The following CNTNAP3B variants were observed in gnomAD, a reference collection of about 807,000 sequenced individuals.
The protein encoded by CNTNAP3B is contactin associated protein family member 3B.
A neutral mutation model predicts 108.9 loss-of-function variants in CNTNAP3B; 25 were observed. The ratio of observed to expected loss-of-function variants is 0.23; its 90% CI spans 0.17 to 0.32. The LOEUF (loss-of-function observed/expected upper bound fraction) is 0.32. Ranked by LOEUF, CNTNAP3B falls within the 10% of genes least tolerant of loss-of-function variation. The pLI, the probability that CNTNAP3B is intolerant of heterozygous loss-of-function variation, is 1.00. For missense variants in CNTNAP3B, 252 were observed against 1,210.4 expected (o/e 0.21, Z 11.75); for synonymous variants, 103 against 473.4 (o/e 0.22, Z 10.16).
chr9:42,033,260 A>G (rs1345550244), intron 3 of CNTNAP3B, among the ~76,000 whole-genome samples: 3 of 149,172 alleles, frequency 2.0e-5, no homozygotes, highest in Non-Finnish European at 4.4e-5. Flanking sequence ...GACTTACTGA[A>G]GGCAATTTTG....
rs1255761158 is a variant in CNTNAP3B, at chr9:42,084,373, T to G, written c.197-7311A>C. 8.5e-5 allele frequency among the ~76,000 whole-genome samples: 9 copies of G among 106,008 alleles called. 4 individuals carry two copies. The highest frequency in any genetic ancestry group is 3.2e-4 in the African/African-American group (9 of 27,750). 69.5% of individuals were successfully genotyped at this position (106,008 alleles called of 152,430 possible). On this transcript the variant is annotated intron_variant, in intron 2 of 23. Coordinates refer to ENST00000377561, the MANE Select transcript of CNTNAP3B (RefSeq NM_001201380.3). ...GGGCTGGAATGGAGTCAGGGCACCC[T>G]GAGGCTGATGGCACGCCTCTCATTG...
chr9:41,926,506 G>A (rs1210276394), intron 15 of CNTNAP3B: 2 of 152,272 alleles, frequency 1.3e-5, no homozygotes, highest in African/African-American at 2.4e-5. Flanking sequence ...TTGTCACCCA[G>A]GCTGGAGTGC....
Position 42,127,035 on chromosome 9 carries a change from T to C in CNTNAP3B, c.85+1975A>G, listed in dbSNP as rs559492734. 8.6e-5 allele frequency among the ~76,000 whole-genome samples: 12 copies of C among 139,108 alleles called. 2 individuals are homozygous for C. The highest frequency in any genetic ancestry group is 7.9e-4 in the Admixed American group (11 of 13,950). 91.3% of individuals were successfully genotyped at this position (139,108 alleles called of 152,430 possible). On this transcript the variant is annotated intron_variant, in intron 1 of 23. Coordinates refer to ENST00000377561, the MANE Select transcript of CNTNAP3B (RefSeq NM_001201380.3). ...GTCCTTATTGACTTTCTTCTTGGTA[T>C]TGAAGGTGGTATAATTATTATAGTT... is the stretch of plus-strand genomic sequence containing the variant.
rs2050629299 is a variant in CNTNAP3B at position 42,062,978 on chromosome 9, C to T, written c.390+13891G>A. Among the ~76,000 whole-genome samples, 2 of 98,440 alleles carry T rather than the reference C, an allele frequency of 2.0e-5. 1 individual carries two copies. Among genetic ancestry groups the T allele is most frequent in the African/African-American group, 7.6e-5 (2 of 26,340 alleles). The allele number at this position is 98,440 out of a possible 152,430, so 64.6% of individuals were successfully genotyped here. A position where few individuals can be genotyped will look rare whatever the true frequency, so the allele number is the denominator to read the frequency against. On this transcript the variant is annotated intron_variant, in intron 3 of 23. Transcript: ENST00000377561. The stretch of plus-strand genomic sequence containing the variant: ...TTTGATGCTTTTTATATTGTGTAAC[C>T]CTTAATGAATTATTGCAGCTTTAAC...
rs935456333 is a variant in CNTNAP3B at position 42,021,896 on chromosome 9, G to A, written c.391-8371C>T. Among the ~76,000 whole-genome samples, 2 of 134,150 alleles carry A rather than the reference G, an allele frequency of 1.5e-5. 1 individual carries two copies. The highest frequency in any genetic ancestry group is 6.0e-5 in the African/African-American group (2 of 33,106). The allele number at this position is 134,150 out of a possible 152,430, so 88.0% of individuals were successfully genotyped here. A position where few individuals can be genotyped will look rare whatever the true frequency, so the allele number is the denominator to read the frequency against. ...TAACAGTGACAAAATTATGGCAATG[G>A]GGAGACCTGATCTAGTTAACCCCCT... On this transcript the variant is annotated intron_variant, in intron 3 of 23. Coordinates refer to ENST00000377561, the MANE Select transcript of CNTNAP3B (RefSeq NM_001201380.3).
intron 10 of CNTNAP3B, among the ~76,000 whole-genome samples, chr9:41,968,831 T>G (rs1358715312): frequency 1.3e-4 from 20 of 150,370 alleles, no homozygotes; most frequent in Non-Finnish European, 4.4e-5. Flanking sequence ...AGAGTCTGGC[T>G]CTGTTGCCCA....
chr9:42,089,412 G>T (rs1827771592), intron 2 of CNTNAP3B, among the ~76,000 whole-genome samples: 1 of 129,908 alleles, frequency 7.7e-6, no homozygotes, highest in African/African-American at 3.1e-5. Flanking sequence ...TTGGGATATT[G>T]CACTGTGCAG....
At position 41,980,693 on chromosome 9, in the gene CNTNAP3B, C is replaced by T. The variant is rs912461195; in HGVS notation, c.1477+5475G>A. The stretch of plus-strand genomic sequence containing the variant: ...GAAGCATCAGGTATTTTCTCAACAT[C>T]CCTTCATGTTAAAAACCCTCAACAA... On this transcript the variant is annotated intron_variant, in intron 9 of 23. Transcript: ENST00000377561. The T allele has an allele frequency of 1.8e-4, 27 of 148,288 alleles. 1 individual carries two copies. Among genetic ancestry groups the T allele is most frequent in the Admixed American group, 1.7e-3 (25 of 14,868 alleles). 9.2% of individuals were successfully genotyped at this position (148,288 alleles called of 1,614,324 possible).
rs1256816493 is a variant in CNTNAP3B at position 42,110,985 on chromosome 9, T to C, written c.86-6246A>G. ...ACTGTTTTCCATATAAAAACTTCTGTTTTACATGGTCTTGATCTCCATTCG... is the reference window on the plus strand; with the variant it reads ...ACTGTTTTCCATATAAAAACTTCTGCTTTACATGGTCTTGATCTCCATTCG... On this transcript the variant is annotated intron_variant, in intron 1 of 23. Transcript: ENST00000377561. Among the ~76,000 whole-genome samples the C allele has an allele frequency of 2.9e-5, 4 of 139,444 alleles. 1 individual carries two copies. Among genetic ancestry groups the C allele is most frequent in the Admixed American group, 2.9e-4 (4 of 14,024 alleles). 91.5% of individuals were successfully genotyped at this position (139,444 alleles called of 152,430 possible). A position where few individuals can be genotyped will look rare whatever the true frequency, so the allele number is the denominator to read the frequency against.
At chr9:41,918,003 T>A (rs1307430337) in intron 18 of CNTNAP3B, among the ~76,000 whole-genome samples, 90 of 152,198 alleles carry the variant, frequency 5.9e-4, no homozygotes, top group Admixed American at 9.2e-4. Flanking sequence ...TTTGATGTAT[T>A]TCCTTAGGAC....
At chr9:41,941,931 G>A (rs1188150045) in intron 13 of CNTNAP3B, among the ~76,000 whole-genome samples, 4 of 152,200 alleles carry the variant, frequency 2.6e-5, no homozygotes, top group South Asian at 4.1e-4. Context: ...TATGTCTCCA[G>A]CAGGGGGAGG....
intron 9 of CNTNAP3B, among the ~76,000 whole-genome samples, chr9:41,973,157 C>T (rs1483163904): frequency 7.0e-6 from 1 of 143,334 alleles, no homozygotes; most frequent in Non-Finnish European, 1.5e-5. Context: ...CCATATTAGC[C>T]AGGATGGTTT....
At chr9:41,923,476 T>G (rs928363971) in intron 16 of CNTNAP3B, among the ~76,000 whole-genome samples, 1,026 of 152,170 alleles carry the variant, frequency 6.7e-3, no homozygotes, top group African/African-American at 0.023. Context: ...TAAAAATGAT[T>G]ACTGGCTGGG....
At chr9:41,934,919 A>T (rs1391853714) in intron 14 of CNTNAP3B, among the ~76,000 whole-genome samples, 1 of 152,294 alleles carries the variant, frequency 6.6e-6, no homozygotes, top group African/African-American at 2.4e-5. Context: ...CTCTAAGATA[A>T]TCACACAAAA....
rs1039932279 is a variant in CNTNAP3B, at chr9:42,127,730, G to C, written c.85+1280C>G. ...ATCTGACCAAAGCAATCCGGAGCTT[G>C]TTTTTTCGAAGGGCACACCAAGTGT... is the stretch of plus-strand genomic sequence containing the variant. On this transcript the variant is annotated intron_variant, in intron 1 of 23. Coordinates refer to ENST00000377561, the MANE Select transcript of CNTNAP3B (RefSeq NM_001201380.3). Among the ~76,000 whole-genome samples, 7 of 139,516 alleles carry C rather than the reference G, an allele frequency of 5.0e-5. 1 individual carries two copies. Among genetic ancestry groups the C allele is most frequent in the African/African-American group, 2.0e-4 (7 of 35,142 alleles). The allele number at this position is 139,516 out of a possible 152,430, so 91.5% of individuals were successfully genotyped here.
chr9:42,105,450 C>A (rs76236122), intron 1 of CNTNAP3B, among the ~76,000 whole-genome samples: 4,205 of 50,046 alleles, frequency 0.084, 9 homozygotes, highest in East Asian at 0.17. Context: ...AGGACCCCTG[C>A]ATGTCACCAT....
chr9:41,933,458 C>G (rs1399959445), intron 14 of CNTNAP3B, among the ~76,000 whole-genome samples: 1 of 144,472 alleles, frequency 6.9e-6, no homozygotes, highest in African/African-American at 2.7e-5. Flanking sequence ...GTCCTTAATT[C>G]TCTTGAATAA....
chr9:41,964,154 T>C (rs1221055443), intron 11 of CNTNAP3B, among the ~76,000 whole-genome samples: 1 of 152,304 alleles, frequency 6.6e-6, no homozygotes, highest in Admixed American at 6.5e-5. Flanking sequence ...TGGCAAGGGG[T>C]TGTTTTTCCA....
rs573422090 is a variant in CNTNAP3B at position 41,951,242 on chromosome 9, T to A, written c.2080+1941A>T. 1.7e-4 allele frequency among the ~76,000 whole-genome samples: 25 copies of A among 145,782 alleles called. No homozygotes were observed. The South Asian group carries it at 2.7e-3, about 16-fold the overall frequency. On this transcript the variant is annotated intron_variant, in intron 13 of 23. Transcript: ENST00000377561. The stretch of plus-strand genomic sequence containing the variant: ...ATGTAAATCTACAATTATCTCAAAA[T>A]TTTTTTTAAATTATCTTTTCAAAAG...
Sources: allele counts gnomAD v4.1 joint callset (sites outside exome capture counted in the v4.1 genomes callset), GRCh38; gene constraint gnomAD v4.1.1; transcripts MANE v1.5; gene names NCBI Gene and HGNC (gene_info 2026-07-23, HGNC 2026-07-21).